GRIN2A: variants seen among roughly 807,000 people sequenced by gnomAD.
GRIN2A encodes the protein glutamate receptor ionotropic, NMDA 2A.
A neutral mutation model predicts 113.4 loss-of-function variants in GRIN2A; 22 were observed. The ratio of observed to expected loss-of-function variants is 0.19; its 90% CI spans 0.14 to 0.28. The LOEUF is 0.28. Among genes scored for constraint, GRIN2A ranks in the 10% least tolerant of loss-of-function variants. GRIN2A has a pLI of 1.00. For synonymous variants in GRIN2A, 827 were observed against 738.4 expected, an observed-to-expected ratio of 1.12 and a Z score of -1.94; for missense variants, 1,502 against 1,887.0, an observed-to-expected ratio of 0.80 and a Z score of 3.78.
At chr16:9,831,387 T>A (rs1027102453) in intron 8 of GRIN2A, among the ~76,000 whole-genome samples, 3 of 152,128 alleles carry the variant, frequency 2.0e-5, no homozygotes, top group African/African-American at 7.2e-5. Context: ...CCTTCTTAAC[T>A]GCCCTCCCCG....
In GRIN2A at chr16:9,850,014, G is replaced by T; in HGVS notation, c.1123-53C>A. 2.7e-6 allele frequency: 4 copies of T among 1,488,690 alleles called. No individual in the cohort carries two copies. The South Asian group carries it at 3.4e-5, about 13-fold the overall frequency. The allele number at this position is 1,488,690 out of a possible 1,614,324, so 92.2% of individuals were successfully genotyped here. A position where few individuals can be genotyped will look rare whatever the true frequency, so the allele number is the denominator to read the frequency against. Reference sequence around the variant, plus strand: ...GTGCTTTCTTCCGCCGCTGATTTCTGGAGAGGCAAATCCTTTCCCTGCCAG... The same window carrying T: ...GTGCTTTCTTCCGCCGCTGATTTCTTGAGAGGCAAATCCTTTCCCTGCCAG... On this transcript the variant is annotated intron_variant, in intron 4 of 12. Coordinates refer to ENST00000330684, the MANE Select transcript of GRIN2A (RefSeq NM_001134407.3).
intron 3 of GRIN2A, among the ~76,000 whole-genome samples, chr16:9,902,438 C>T (rs1335084039): frequency 6.6e-6 from 1 of 152,174 alleles, no homozygotes; most frequent in Non-Finnish European, 1.5e-5. Flanking sequence ...AGCCTGGGTC[C>T]CGGACACTGT....
intron 3 of GRIN2A, among the ~76,000 whole-genome samples, chr16:9,899,174 C>T (rs780713076): frequency 1.3e-5 from 2 of 151,962 alleles, no homozygotes; most frequent in Non-Finnish European, 2.9e-5. Flanking sequence ...CGCGGTGGCT[C>T]GCACCTGTAA....
chr16:9,836,723 T>C (rs8050843), intron 7 of GRIN2A, among the ~76,000 whole-genome samples: 54,243 of 152,138 alleles, frequency 0.36, 11,276 homozygotes, highest in African/African-American at 0.58. Context: ...TGCACACACA[T>C]GCTCCAGAAC....
intron 10 of GRIN2A, among the ~76,000 whole-genome samples, chr16:9,814,693 C>CCTTACA (rs1008766336): frequency 2.6e-5 from 4 of 152,128 alleles, no homozygotes; most frequent in Non-Finnish European, 5.9e-5. Context: ...ACATGGACTA[C>CCTTACA]CTACATCTGA....
intron 10 of GRIN2A, among the ~76,000 whole-genome samples, chr16:9,821,301 AT>A (rs536533722): frequency 6.6e-6 from 1 of 152,302 alleles, no homozygotes; most frequent in South Asian, 2.1e-4. Flanking sequence ...ATTGGATTTA[AT>A]CCTTTCTAAA....
At chr16:10,020,264 A>G (rs1433365492) in intron 2 of GRIN2A, among the ~76,000 whole-genome samples, 4 of 152,156 alleles carry the variant, frequency 2.6e-5, no homozygotes, top group African/African-American at 9.7e-5. Flanking sequence ...ATACAAAATT[A>G]GCAGGGCATG....
chr16:10,045,075 G>C (rs1287021019), intron 2 of GRIN2A, among the ~76,000 whole-genome samples: 1 of 152,198 alleles, frequency 6.6e-6, no homozygotes, highest in Non-Finnish European at 1.5e-5. Flanking sequence ...TTTTGAAAAT[G>C]TTTGATGGGG....
At chr16:10,039,746 G>A (rs2047108265) in intron 2 of GRIN2A, among the ~76,000 whole-genome samples, 2 of 144,310 alleles carry the variant, frequency 1.4e-5, no homozygotes, top group African/African-American at 5.1e-5. Flanking sequence ...GCAATGAGGA[G>A]CCTGAGCAAA....
intron 2 of GRIN2A, among the ~76,000 whole-genome samples, chr16:10,139,839 T>TTA (rs72530731): frequency 0.48 from 73,525 of 151,808 alleles, 18,719 homozygotes; most frequent in East Asian, 0.85. Flanking sequence ...TAAATAATTT[T>TTA]TTTTTTTGAA....
rs184852316 is a variant in GRIN2A, at chr16:10,130,087, G to A, written c.414+49911C>T. Among the ~76,000 whole-genome samples, 338 of 152,284 alleles carry A rather than the reference G, an allele frequency of 2.2e-3. 1 individual carries two copies. Among genetic ancestry groups the A allele is most frequent in the African/African-American group, 7.8e-3 (324 of 41,556 alleles). On this transcript the variant is annotated intron_variant, in intron 2 of 12. Coordinates refer to ENST00000330684, the MANE Select transcript of GRIN2A (RefSeq NM_001134407.3). Reference sequence around the variant, plus strand: ...TGAGGTCATTTACTAAGACAAGAAAGTAAGAAGGAGAGATAGGTATGGGGA... The same window carrying A: ...TGAGGTCATTTACTAAGACAAGAAAATAAGAAGGAGAGATAGGTATGGGGA...
chr16:9,827,718 G>A (rs2042412313), intron 9 of GRIN2A, among the ~76,000 whole-genome samples: 1 of 152,124 alleles, frequency 6.6e-6, no homozygotes, highest in South Asian at 2.1e-4. Context: ...GGTGGGGCTG[G>A]GCACACAGCG....
At chr16:10,103,771 G>C (rs1335958131) in intron 2 of GRIN2A, among the ~76,000 whole-genome samples, 1 of 152,176 alleles carries the variant, frequency 6.6e-6, no homozygotes, top group Non-Finnish European at 1.5e-5. Flanking sequence ...TTTGGAGGTA[G>C]ATTTTGTCTC....
intron 2 of GRIN2A, among the ~76,000 whole-genome samples, chr16:10,071,892 T>G (rs2047760127): frequency 6.6e-6 from 1 of 152,222 alleles, no homozygotes. Flanking sequence ...ACAGTACTTT[T>G]GTTTATCTCC....
intron 3 of GRIN2A, among the ~76,000 whole-genome samples, chr16:9,911,143 G>C (rs1210248006): frequency 1.3e-5 from 2 of 152,092 alleles, no homozygotes; most frequent in Non-Finnish European, 2.9e-5. Flanking sequence ...GCCTTAAATA[G>C]GAGTGACAGC....
intron 2 of GRIN2A, among the ~76,000 whole-genome samples, chr16:9,965,729 T>C (rs542446136): frequency 6.6e-6 from 1 of 152,152 alleles, no homozygotes; most frequent in Non-Finnish European, 1.5e-5. Flanking sequence ...AGGATCACAA[T>C]CAAGGGTGAT....
rs1196345819 is a variant in GRIN2A, at chr16:9,765,985, G to GGAC, written c.2596-1038_2596-1037insGTC. Among the ~76,000 whole-genome samples, 8 of 152,274 alleles carry GGAC rather than the reference G, an allele frequency of 5.3e-5. No individual in the cohort carries two copies. In the South Asian group the frequency reaches 1.5e-3, roughly 28 times the overall value. ...TTCACTTAAAAGTAGCTGTTCAACTGTTATCAAGGGAAGAGCCCTTGATTC... is the reference window on the plus strand; with the variant it reads ...TTCACTTAAAAGTAGCTGTTCAACTGGACTTATCAAGGGAAGAGCCCTTGATTC... On this transcript the variant is annotated intron_variant, in intron 12 of 12. Coordinates refer to ENST00000330684, the MANE Select transcript of GRIN2A (RefSeq NM_001134407.3).
chr16:9,940,188 A>G (rs907326496), intron 2 of GRIN2A, among the ~76,000 whole-genome samples: 6 of 152,110 alleles, frequency 3.9e-5, no homozygotes, highest in African/African-American at 9.7e-5. Flanking sequence ...GGTGCTCACT[A>G]AAAGTTCTAT....
intron 8 of GRIN2A, among the ~76,000 whole-genome samples, chr16:9,831,491 C>T (rs1373137535): frequency 1.3e-5 from 2 of 149,244 alleles, no homozygotes; most frequent in African/African-American, 5.0e-5. Flanking sequence ...TGTCTCCCTG[C>T]CATTGTTTTT....
Sources: allele counts gnomAD v4.1 joint callset (sites outside exome capture counted in the v4.1 genomes callset), GRCh38; gene constraint gnomAD v4.1.1; transcripts MANE v1.5; gene names NCBI Gene and HGNC (gene_info 2026-07-23, HGNC 2026-07-21).